Variants in CCDC102B observed in about 807,000 individuals in gnomAD.
The protein encoded by CCDC102B is coiled-coil domain containing 102B, also known as coiled-coil domain-containing protein 102B.
Under a neutral mutation model 57.4 loss-of-function variants are expected in CCDC102B, and 75 were observed. The observed-to-expected ratio is 1.31, with a 90% confidence interval of 1.08 to 1.58. The LOEUF (loss-of-function observed/expected upper bound fraction) is 1.58, where lower values mean the gene tolerates loss of function less well. Ranked by LOEUF, CCDC102B falls within the 40% of genes most tolerant of loss-of-function variation. The probability of loss-of-function intolerance (pLI) is 0.00; values close to 1 mark genes in which losing one functional copy is unlikely to be tolerated. For synonymous variants in CCDC102B, 206 were observed against 201.9 expected (o/e 1.02, Z -0.17); for missense variants, 636 against 582.6 (o/e 1.09, Z -0.94).
chr18:69,044,567 A>C (rs2052511572), intron 7 of CCDC102B, among the ~76,000 whole-genome samples: 1 of 152,186 alleles, frequency 6.6e-6, no homozygotes, highest in Non-Finnish European at 1.5e-5. Context: ...TATGCTGAGG[A>C]CCATTATTTC....
intron 6 of CCDC102B, among the ~76,000 whole-genome samples, chr18:68,906,213 A>G (rs2040637125): frequency 6.6e-6 from 1 of 152,014 alleles, no homozygotes; most frequent in Non-Finnish European, 1.5e-5. Context: ...GTATTTGTTC[A>G]TTTCTACATC....
chr18:68,878,958 C>T (rs1054137506), intron 5 of CCDC102B, among the ~76,000 whole-genome samples: 7 of 152,042 alleles, frequency 4.6e-5, no homozygotes, highest in Middle Eastern at 3.4e-3. Flanking sequence ...CTCCAAAGGT[C>T]GCGTCTGGAG....
At chr18:68,783,705 C>G (rs2035084565) in intron 2 of CCDC102B, among the ~76,000 whole-genome samples, 1 of 152,008 alleles carries the variant, frequency 6.6e-6, no homozygotes, top group Admixed American at 6.6e-5. Context: ...TTTAGAAAGT[C>G]CCAAAAATGT....
intron 6 of CCDC102B, among the ~76,000 whole-genome samples, chr18:68,944,168 T>A (rs1316703804): frequency 1.3e-5 from 2 of 152,114 alleles, no homozygotes; most frequent in Non-Finnish European, 2.9e-5. Context: ...GAGCTCTTAA[T>A]GTCTTGTAAA....
intron 6 of CCDC102B, among the ~76,000 whole-genome samples, chr18:68,937,456 G>A (rs4399632): frequency 0.54 from 82,123 of 151,886 alleles, 26,277 homozygotes; most frequent in Non-Finnish European, 0.69. Context: ...ATGATCCCCA[G>A]AGTGCTCTGA....
chr18:68,959,741 C>A (rs1051258082), intron 6 of CCDC102B, among the ~76,000 whole-genome samples: 8 of 152,052 alleles, frequency 5.3e-5, no homozygotes, highest in Middle Eastern at 3.4e-3. Context: ...CCCTTTTTCT[C>A]AAGCAGAAAT....
chr18:69,006,472 G>A (rs949452944), intron 6 of CCDC102B, among the ~76,000 whole-genome samples: 8 of 151,678 alleles, frequency 5.3e-5, no homozygotes, highest in Non-Finnish European at 8.8e-5. Flanking sequence ...TGCCTTGCTG[G>A]AGGGCAGTGG....
At chr18:69,026,304 A>G (rs2051988356) in intron 7 of CCDC102B, among the ~76,000 whole-genome samples, 1 of 151,960 alleles carries the variant, frequency 6.6e-6, no homozygotes, top group African/African-American at 2.4e-5. Context: ...TGTCTCTACT[A>G]AAAATACAAA....
In CCDC102B at chr18:68,956,484, A is replaced by T. The variant is rs867739658; in HGVS notation, c.1264-54450A>T. Among the ~76,000 whole-genome samples the T allele has an allele frequency of 2.5e-3, 118 of 46,942 alleles. 6 individuals are homozygous for T. The highest frequency in any genetic ancestry group is 0.017 in the African/African-American group (72 of 4,234). The allele number at this position is 46,942 out of a possible 152,430, so 30.8% of individuals were successfully genotyped here. On this transcript the variant is annotated intron_variant, in intron 6 of 7. Coordinates refer to ENST00000360242, the MANE Select transcript of CCDC102B (RefSeq NM_024781.3). ...TTTTATATATATATTATATATATAT[A>T]ATATATATATAAAATATATAATATA... is the stretch of plus-strand genomic sequence containing the variant.
chr18:68,831,256 G>A (rs754121473), intron 1 of CCDC102B, among the ~76,000 whole-genome samples: 10 of 151,894 alleles, frequency 6.6e-5, no homozygotes, highest in Non-Finnish European at 1.5e-4. Context: ...CTAGCCTAAA[G>A]GAAAGGCATC....
intron 1 of CCDC102B, among the ~76,000 whole-genome samples, chr18:68,822,556 C>T (rs552613068): frequency 2.6e-5 from 4 of 151,680 alleles, no homozygotes; most frequent in Admixed American, 6.6e-5. Context: ...ACATAAGGTA[C>T]CTGTGCAGGT....
intron 4 of CCDC102B, chr18:68,859,142 T>C (rs1029470367): frequency 6.8e-6 from 1 of 147,792 alleles, no homozygotes; most frequent in Non-Finnish European, 1.5e-5. Context: ...TCAGAAATAA[T>C]GCCGCATATC....
chr18:68,720,279 T>A (rs564915241), intron 2 of CCDC102B, among the ~76,000 whole-genome samples: 29 of 152,232 alleles, frequency 1.9e-4, no homozygotes, highest in Admixed American at 1.3e-3. Flanking sequence ...AACCTGCTAA[T>A]AATGATGCTT....
At chr18:68,726,428 C>A (rs2032598086) in intron 2 of CCDC102B, among the ~76,000 whole-genome samples, 1 of 152,150 alleles carries the variant, frequency 6.6e-6, no homozygotes, top group Non-Finnish European at 1.5e-5. Context: ...TGTATAGTGC[C>A]CTGATGTTGC....
intron 1 of CCDC102B, among the ~76,000 whole-genome samples, chr18:68,835,689 C>T (rs538644136): frequency 1.7e-3 from 263 of 152,270 alleles, no homozygotes; most frequent in Non-Finnish European, 3.2e-3. Context: ...ATGCATTCTA[C>T]GTGTCATGCC....
At chr18:68,939,516 A>G (rs1012431056) in intron 6 of CCDC102B, among the ~76,000 whole-genome samples, 42 of 151,908 alleles carry the variant, frequency 2.8e-4, no homozygotes, top group Middle Eastern at 3.4e-3. Context: ...TAAATATTAT[A>G]TTTAAATTAA....
rs532521943 is a variant in CCDC102B at position 68,873,442 on chromosome 18, A to C, written c.937-1227A>C. On this transcript the variant is annotated intron_variant, in intron 4 of 7. Coordinates refer to ENST00000360242, the MANE Select transcript of CCDC102B (RefSeq NM_024781.3). ...TTATTTCAATGGCCTTTAGGTTTAT[A>C]ATTATAGATGCAATAATGGTTTAAC... Among the ~76,000 whole-genome samples, 234 of 152,230 alleles carry C rather than the reference A, an allele frequency of 1.5e-3. 2 individuals carry two copies. Among genetic ancestry groups the C allele is most frequent in the African/African-American group, 5.3e-3 (222 of 41,566 alleles).
rs137862826 is a variant in CCDC102B at position 68,733,750 on chromosome 18, C to T, written c.-67+17156C>T. Among the ~76,000 whole-genome samples the T allele has an allele frequency of 2.8e-3, 421 of 151,996 alleles. 1 individual carries two copies. The highest frequency in any genetic ancestry group is 9.7e-3 in the African/African-American group (404 of 41,488). ...CTTCCAAATTCCTTTATAACTTCAA[C>T]GATTAAAAATTTTTTACACTTTATT... On this transcript the variant is annotated intron_variant, in intron 2 of 3. Coordinates refer to the CCDC102B transcript ENST00000578970.
chr18:68,725,411 C>G (rs906687710), intron 2 of CCDC102B, among the ~76,000 whole-genome samples: 1 of 152,204 alleles, frequency 6.6e-6, no homozygotes, highest in Non-Finnish European at 1.5e-5. Flanking sequence ...AATCTACAAT[C>G]AAGGCGTCAG....
Sources: allele counts gnomAD v4.1 joint callset (sites outside exome capture counted in the v4.1 genomes callset), GRCh38; gene constraint gnomAD v4.1.1; transcripts MANE v1.5; gene names NCBI Gene and HGNC (gene_info 2026-07-23, HGNC 2026-07-21).